KIF15: variants seen among roughly 807,000 people sequenced by gnomAD.
KIF15 encodes kinesin-like protein KIF15.
A neutral mutation model predicts 190.6 loss-of-function variants in KIF15; 140 were observed. The observed-to-expected ratio is 0.73, with a 90% CI of 0.64 to 0.84. The LOEUF (loss-of-function observed/expected upper bound fraction) is 0.84, where lower values mean the gene tolerates loss of function less well. KIF15 is among the 40% of genes least tolerant of loss of function. The probability of loss-of-function intolerance (pLI) is 0.00; values close to 1 mark genes in which losing one functional copy is unlikely to be tolerated. For missense variants in KIF15, 1,372 were observed against 1,584.4 expected, an observed-to-expected ratio of 0.87 and a Z score of 2.28; for synonymous variants, 528 against 551.3, an observed-to-expected ratio of 0.96 and a Z score of 0.59.
chr3:44,854,278 G>A (rs1248314168), downstream of KIF15, among the ~76,000 whole-genome samples: 9 of 151,780 alleles, frequency 5.9e-5, no homozygotes, highest in Non-Finnish European at 1.2e-4. Flanking sequence ...CCAGCTACTC[G>A]TGAGGCTGAG....
intron 32 of KIF15, among the ~76,000 whole-genome samples, chr3:44,849,967 G>C (rs1699005254): frequency 6.6e-6 from 1 of 152,016 alleles, no homozygotes; most frequent in South Asian, 2.1e-4. Flanking sequence ...TTTTTCTGTT[G>C]TACTTCTCAA....
At chr3:44,767,089 T>C (rs1705424776) in intron 1 of KIF15, among the ~76,000 whole-genome samples, 1 of 152,028 alleles carries the variant, frequency 6.6e-6, no homozygotes, top group Admixed American at 6.6e-5. Flanking sequence ...GGATTACAGG[T>C]GTGAGCCACC....
intron 6 of KIF15, chr3:44,861,819 G>T (rs1699251383): frequency 7.8e-7 from 1 of 1,281,922 alleles, no homozygotes; most frequent in East Asian, 3.0e-5. Context: ...GGGCCTGCCG[G>T]AGCGTGGCGT....
intron 21 of KIF15, 66 bp downstream of exon 21, chr3:44,826,255 G>T: frequency 6.4e-7 from 1 of 1,560,852 alleles, no homozygotes; most frequent in Admixed American, 2.0e-5. Context: ...GACAAGGACT[G>T]TCCTTTCCTC....
chr3:44,834,185 G>A (rs528637137), intron 26 of KIF15, among the ~76,000 whole-genome samples: 1 of 152,220 alleles, frequency 6.6e-6, no homozygotes, highest in South Asian at 2.1e-4. Context: ...CTTATCTTCA[G>A]TCTTTATTAG....
chr3:44,842,324 G>T (rs1175219979), intron 29 of KIF15, among the ~76,000 whole-genome samples: 1 of 152,054 alleles, frequency 6.6e-6, no homozygotes, highest in African/African-American at 2.4e-5. Flanking sequence ...TGTGCACATG[G>T]CTCAGGGGTG....
chr3:44,847,920 T>C (rs1698918926), intron 30 of KIF15, 65 bp from the exon 31 acceptor site: 11 of 1,151,706 alleles, frequency 9.6e-6, no homozygotes, highest in Non-Finnish European at 1.4e-5. Context: ...GAATTTGAAA[T>C]TGATACTTGA....
At chr3:44,817,823 T>C (rs1396302013) in intron 20 of KIF15, among the ~76,000 whole-genome samples, 1 of 152,220 alleles carries the variant, frequency 6.6e-6, no homozygotes, top group Non-Finnish European at 1.5e-5. Flanking sequence ...TCTATAAAAT[T>C]ATCTTGGGCA....
At chr3:44,847,892 G>A (rs1252245510) in intron 30 of KIF15, 93 bp from the exon 31 acceptor site, 5 of 868,314 alleles carry the variant, frequency 5.8e-6, no homozygotes, top group Non-Finnish European at 9.3e-6. Flanking sequence ...CCTTGGCATT[G>A]CTGCATATAA....
chr3:44,795,682 A>T (rs199655589), intron 8 of KIF15, among the ~76,000 whole-genome samples: 2 of 36,902 alleles, frequency 5.4e-5, no homozygotes, highest in African/African-American at 1.3e-4. Flanking sequence ...ATATGTGTTT[A>T]TATATATATA....
intron 16 of KIF15, among the ~76,000 whole-genome samples, chr3:44,808,609 TAAA>T (rs375836574): frequency 6.8e-6 from 1 of 146,394 alleles, no homozygotes; most frequent in Non-Finnish European, 1.5e-5. Flanking sequence ...TTTTTTTTTT[TAAA>T]AAAAAACGGT....
chr3:44,861,883 C>T (rs754742908), intron 6 of KIF15: 14 of 1,489,082 alleles, frequency 9.4e-6, no homozygotes, highest in East Asian at 2.9e-5. Context: ...GCGCGCTCTG[C>T]CCTGCGGGCA....
downstream of KIF15, among the ~76,000 whole-genome samples, chr3:44,857,969 G>A (rs1304372971): frequency 6.6e-6 from 1 of 152,184 alleles, no homozygotes; most frequent in African/African-American, 2.4e-5. Context: ...TATTGAATAA[G>A]GTGAGAAGCA....
chr3:44,809,062 C>T (rs1707660746), intron 16 of KIF15, among the ~76,000 whole-genome samples: 2 of 152,206 alleles, frequency 1.3e-5, no homozygotes, highest in African/African-American at 2.4e-5. Flanking sequence ...GAAGCTCCCT[C>T]CTAGTGCCCT....
intron 30 of KIF15, among the ~76,000 whole-genome samples, chr3:44,843,839 T>C (rs1444209078): frequency 6.6e-6 from 1 of 152,234 alleles, no homozygotes; most frequent in East Asian, 1.9e-4. Flanking sequence ...TTTTAGTACT[T>C]CACTTTCCTT....
At chr3:44,794,561 T>G in intron 8 of KIF15, 135 bp downstream of exon 8, 1 of 604,296 alleles carries the variant, frequency 1.7e-6, no homozygotes, top group Non-Finnish European at 2.9e-6. Context: ...ATAATAGCTA[T>G]ACCACATGGC....
Position 44,827,533 on chromosome 3 carries a change from A to ATTTCCTGC in KIF15, c.2856+5_2856+6insTTTCCTGC, listed in dbSNP as rs1697735182. The ATTTCCTGC allele has an allele frequency of 6.3e-7, 1 of 1,584,604 alleles. No homozygotes were observed. The highest frequency in any genetic ancestry group is 1.3e-5 in the African/African-American group (1 of 74,336). ...ACGGCCAAGTGTGAGCAGCAGGTAA[A>ATTTCCTGC]ATTCCTGTTACTCTAACTCTAGTAT... On this transcript the variant is annotated splice_donor_region_variant and intron_variant, in intron 23 of 34. Coordinates refer to ENST00000326047, the MANE Select transcript of KIF15 (RefSeq NM_020242.3).
downstream of KIF15, among the ~76,000 whole-genome samples, chr3:44,856,478 A>C (rs940084346): frequency 2.0e-5 from 3 of 152,228 alleles, no homozygotes; most frequent in Non-Finnish European, 4.4e-5. Context: ...TGACGATAGA[A>C]TAGAATGGGC....
At chr3:44,826,509 A>T in intron 22 of KIF15, 49 bp downstream of exon 22, 3 of 1,249,112 alleles carry the variant, frequency 2.4e-6, no homozygotes, top group South Asian at 1.3e-5. Flanking sequence ...ATTGTTTAAT[A>T]CCACATTCTT....
Sources: gnomAD v4.1 joint callset for allele counts (sites outside exome capture counted in the v4.1 genomes callset) on GRCh38, gnomAD v4.1.1 for gene constraint, MANE v1.5 for transcripts, NCBI Gene and HGNC (gene_info 2026-07-23, HGNC 2026-07-21) for gene names.